LINGO2: variants seen among roughly 807,000 people sequenced by gnomAD.
The protein encoded by LINGO2 is leucine rich repeat and Ig domain containing 2.
A neutral mutation model predicts 30.6 loss-of-function variants in LINGO2; 14 were observed. That is an observed-to-expected ratio of 0.46 (90% CI 0.30 to 0.72). The LOEUF (loss-of-function observed/expected upper bound fraction) is 0.72. Among genes scored for constraint, LINGO2 ranks in the 30% least tolerant of loss-of-function variants. The pLI is 0.07. For synonymous variants in LINGO2, 317 were observed against 288.5 expected (o/e 1.10, Z -1.00); for missense variants, 729 against 751.7 (o/e 0.97, Z 0.35).
chr9:28,627,604 T>C (rs1283457771), intron 1 of LINGO2, among the ~76,000 whole-genome samples: 1 of 152,122 alleles, frequency 6.6e-6, no homozygotes, highest in African/African-American at 2.4e-5. Flanking sequence ...GTGTTGCTTA[T>C]TGTTTAATGT....
At chr9:28,237,857 A>C (rs1013592756) in intron 4 of LINGO2, among the ~76,000 whole-genome samples, 3 of 152,124 alleles carry the variant, frequency 2.0e-5, no homozygotes, top group Non-Finnish European at 4.4e-5. Flanking sequence ...CTGTCAAAAA[A>C]ACACACACAA....
intron 1 of LINGO2, among the ~76,000 whole-genome samples, chr9:28,597,024 T>G (rs1825217262): frequency 6.6e-6 from 1 of 152,170 alleles, no homozygotes; most frequent in South Asian, 2.1e-4. Context: ...CTATCAATTC[T>G]TTATAATTAG....
intron 4 of LINGO2, among the ~76,000 whole-genome samples, chr9:28,094,602 A>G (rs2133282282): frequency 6.6e-6 from 1 of 152,166 alleles, no homozygotes; most frequent in South Asian, 2.1e-4. Flanking sequence ...TGTTCTTTTG[A>G]TAATATTACA....
chr9:28,782,059 C>A, the LINGO2 span, among the ~76,000 whole-genome samples: 3 of 151,976 alleles, frequency 2.0e-5, no homozygotes, highest in African/African-American at 7.2e-5. Flanking sequence ...TTACTTGATT[C>A]CTCAAGTTCC....
chr9:28,328,137 A>G (rs1825295663), intron 3 of LINGO2, among the ~76,000 whole-genome samples: 1 of 152,168 alleles, frequency 6.6e-6, no homozygotes, highest in Admixed American at 6.5e-5. Flanking sequence ...ATCCAGAGGA[A>G]ATCACTAGGA....
At chr9:28,223,759 C>T (rs1291442350) in intron 4 of LINGO2, among the ~76,000 whole-genome samples, 1 of 152,096 alleles carries the variant, frequency 6.6e-6, no homozygotes, top group Admixed American at 6.5e-5. Flanking sequence ...TTAACAACTG[C>T]CTGTACATTG....
intron 4 of LINGO2, among the ~76,000 whole-genome samples, chr9:28,164,065 A>G (rs10812749): frequency 0.058 from 8,759 of 152,268 alleles, 310 homozygotes; most frequent in East Asian, 0.2. Context: ...AATATTGGAA[A>G]CTATTTTTGG....
the LINGO2 span, among the ~76,000 whole-genome samples, chr9:29,187,051 A>G: frequency 1.3e-5 from 2 of 152,064 alleles, no homozygotes; most frequent in Non-Finnish European, 2.9e-5. Context: ...AAATGAGGTT[A>G]AGTTCCTTGT....
the LINGO2 span, among the ~76,000 whole-genome samples, chr9:29,103,380 T>C: frequency 5.9e-3 from 891 of 152,178 alleles, 8 homozygotes; most frequent in African/African-American, 0.021. Context: ...TATTTATTTT[T>C]AGTATTCCCT....
At chr9:28,390,325 A>C (rs972621421) in intron 2 of LINGO2, among the ~76,000 whole-genome samples, 4 of 152,206 alleles carry the variant, frequency 2.6e-5, no homozygotes, top group Admixed American at 6.5e-5. Flanking sequence ...ATAAAGGAAG[A>C]ACCTTTTACT....
At chr9:28,186,084 T>C (rs1819531337) in intron 4 of LINGO2, among the ~76,000 whole-genome samples, 1 of 152,158 alleles carries the variant, frequency 6.6e-6, no homozygotes, top group Non-Finnish European at 1.5e-5. Flanking sequence ...TCAAAACCTC[T>C]TTTCACTCCC....
chr9:28,352,574 G>C (rs1461739349), intron 3 of LINGO2, among the ~76,000 whole-genome samples: 6 of 138,898 alleles, frequency 4.3e-5, no homozygotes, highest in African/African-American at 1.6e-4. Flanking sequence ...TGGCCATACT[G>C]CCCAAGGTAA....
chr9:29,105,846 G>A, the LINGO2 span, among the ~76,000 whole-genome samples: 22 of 152,080 alleles, frequency 1.4e-4, no homozygotes, highest in Non-Finnish European at 2.9e-4. Context: ...CTGTCACCTC[G>A]GGGAGACAGC....
chr9:29,201,190 A>T, the LINGO2 span, among the ~76,000 whole-genome samples: 1 of 152,102 alleles, frequency 6.6e-6, no homozygotes, highest in Non-Finnish European at 1.5e-5. Flanking sequence ...CAGGGCAAGT[A>T]TCTACATAAA....
intron 1 of LINGO2, among the ~76,000 whole-genome samples, chr9:28,649,354 C>T (rs1041265580): frequency 1.3e-5 from 2 of 152,020 alleles, no homozygotes; most frequent in East Asian, 1.9e-4. Flanking sequence ...AAACTATTAT[C>T]TGATTAAATC....
At chr9:28,865,334 A>C in the LINGO2 span, among the ~76,000 whole-genome samples, 4 of 152,130 alleles carry the variant, frequency 2.6e-5, no homozygotes, top group Non-Finnish European at 5.9e-5. Context: ...GTAAAGGAGC[A>C]GTTATACAAA....
the LINGO2 span, among the ~76,000 whole-genome samples, chr9:28,720,913 A>G: frequency 1.2e-4 from 19 of 152,168 alleles, no homozygotes; most frequent in Admixed American, 9.2e-4. Flanking sequence ...CACTCTAAAT[A>G]GTGAATCACT....
At chr9:29,102,248 A>AT in the LINGO2 span, among the ~76,000 whole-genome samples, 2 of 151,876 alleles carry the variant, frequency 1.3e-5, no homozygotes, top group South Asian at 2.1e-4. Context: ...TGCCCGGCTA[A>AT]TTTTTTGTAT....
chr9:28,613,207 C>A (rs1825992508), intron 1 of LINGO2, among the ~76,000 whole-genome samples: 1 of 152,030 alleles, frequency 6.6e-6, no homozygotes. Flanking sequence ...TGCTTTATAG[C>A]AGTTTGAAAA....
Sources: gnomAD v4.1 joint callset for allele counts (sites outside exome capture counted in the v4.1 genomes callset) on GRCh38, gnomAD v4.1.1 for gene constraint, MANE v1.5 for transcripts, NCBI Gene and HGNC (gene_info 2026-07-23, HGNC 2026-07-21) for gene names.